The following ADAMTS18 variants were observed in gnomAD, a reference collection of about 807,000 sequenced individuals.
ADAMTS18 encodes the protein ADAM metallopeptidase with thrombospondin type 1 motif 18.
A neutral mutation model predicts 165.9 loss-of-function variants in ADAMTS18; 157 were observed. The ratio of observed to expected loss-of-function variants is 0.95; its 90% CI spans 0.83 to 1.08. The LOEUF (loss-of-function observed/expected upper bound fraction) is 1.08, where lower values mean the gene tolerates loss of function less well. Ranked by LOEUF, ADAMTS18 falls within the 50% of genes least tolerant of loss-of-function variation. The probability of loss-of-function intolerance (pLI) is 0.00; values close to 1 mark genes in which losing one functional copy is unlikely to be tolerated. For missense variants in ADAMTS18, 2,040 were observed against 1,534.0 expected (o/e 1.33, Z -5.51); for synonymous variants, 782 against 578.2 (o/e 1.35, Z -5.06).
intron 10 of ADAMTS18, among the ~76,000 whole-genome samples, chr16:77,352,755 TA>T (rs2056573741): frequency 6.6e-6 from 1 of 152,114 alleles, no homozygotes; most frequent in Non-Finnish European, 1.5e-5. Flanking sequence ...ATTTTTCAGT[TA>T]CTTAGAACTT....
chr16:77,347,615 T>C (rs1450104327), intron 10 of ADAMTS18, among the ~76,000 whole-genome samples: 1 of 152,182 alleles, frequency 6.6e-6, no homozygotes, highest in Non-Finnish European at 1.5e-5. Flanking sequence ...TTCTCTGATA[T>C]ATTATTTGAT....
Position 77,289,289 on chromosome 16 carries a change from G to GTTTGTAT in ADAMTS18, c.3518_3524dup (p.Asn1175LysfsTer9). ...CTCTCTTTTCAGGAGCTGGACAGAA[G>GTTTGTAT]TTTGTATTACAGGCTCGTAGCACCG... On this transcript the variant is annotated frameshift_variant, in exon 22 of 23. Coordinates refer to ENST00000282849, the MANE Select transcript of ADAMTS18 (RefSeq NM_199355.4). LOFTEE classifies it high-confidence loss of function. 1 of 1,614,142 alleles carries GTTTGTAT rather than the reference G, an allele frequency of 6.2e-7. No individual in the cohort carries two copies. Among genetic ancestry groups the GTTTGTAT allele is most frequent in the Non-Finnish European group, 8.5e-7 (1 of 1,180,012 alleles).
intron 3 of ADAMTS18, among the ~76,000 whole-genome samples, chr16:77,377,488 G>A (rs933048439): frequency 7.9e-5 from 12 of 152,286 alleles, no homozygotes; most frequent in Admixed American, 5.9e-4. Context: ...TAACAATAGA[G>A]CCAGAACTTC....
At chr16:77,413,045 G>T (rs1375475813) in intron 3 of ADAMTS18, among the ~76,000 whole-genome samples, 1 of 151,928 alleles carries the variant, frequency 6.6e-6, no homozygotes, top group Non-Finnish European at 1.5e-5. Context: ...ACATTTATAT[G>T]TATAAAAAAA....
At chr16:77,314,786 A>ATATATATATAT (rs1491101675) in intron 16 of ADAMTS18, among the ~76,000 whole-genome samples, 28 of 81,750 alleles carry the variant, frequency 3.4e-4, no homozygotes, top group South Asian at 7.1e-4. Flanking sequence ...ATATATATAT[A>ATATATATATAT]AAATATATGT....
rs2055375759 is a variant in ADAMTS18 at position 77,292,118 on chromosome 16, C to T, written c.3190-640G>A. On this transcript the variant is annotated intron_variant, in intron 20 of 22. Coordinates refer to ENST00000282849, the MANE Select transcript of ADAMTS18 (RefSeq NM_199355.4). ...CCCAGGAGTTCAAGACCAGCCTCAG[C>T]AACATGGTGAAGCCTCAGCAACATG... is the stretch of plus-strand genomic sequence containing the variant. Among the ~76,000 whole-genome samples, 3 of 149,730 alleles carry T rather than the reference C, an allele frequency of 2.0e-5. No individual in the cohort carries two copies. In the South Asian group the frequency reaches 6.2e-4, roughly 31 times the overall value.
At chr16:77,337,236 C>T (rs13334103) in intron 11 of ADAMTS18, among the ~76,000 whole-genome samples, 1 of 152,090 alleles carries the variant, frequency 6.6e-6, no homozygotes, top group Non-Finnish European at 1.5e-5. Flanking sequence ...TTTTGCCTAC[C>T]ATAAGCATGC....
intron 3 of ADAMTS18, 53 bp from the exon 4 acceptor site, chr16:77,367,776 A>G: frequency 6.2e-7 from 1 of 1,612,632 alleles, no homozygotes; most frequent in Non-Finnish European, 8.5e-7. Context: ...TCCCTGTGCC[A>G]AGGGTTGGTT....
At chr16:77,337,475 T>C (rs776734001) in intron 11 of ADAMTS18, among the ~76,000 whole-genome samples, 2 of 152,222 alleles carry the variant, frequency 1.3e-5, no homozygotes, top group Non-Finnish European at 2.9e-5. Flanking sequence ...AAAGAAATAC[T>C]AGCTAACTTG....
chr16:77,420,397 G>T (rs1227045662), intron 3 of ADAMTS18, among the ~76,000 whole-genome samples: 1 of 151,954 alleles, frequency 6.6e-6, no homozygotes, highest in Non-Finnish European at 1.5e-5. Flanking sequence ...ACTACCCTGG[G>T]GAGTCTTTAA....
chr16:77,331,343 C>G (rs965898427), intron 12 of ADAMTS18, among the ~76,000 whole-genome samples: 2 of 152,068 alleles, frequency 1.3e-5, no homozygotes, highest in Non-Finnish European at 2.9e-5. Flanking sequence ...GGATGAAAAC[C>G]AGATCCATGA....
intron 3 of ADAMTS18, 59 bp downstream of exon 3, chr16:77,431,236 T>G: frequency 6.3e-7 from 1 of 1,579,154 alleles, no homozygotes; most frequent in Non-Finnish European, 8.7e-7. Context: ...AGACATCTGT[T>G]CATTCAAGTT....
At chr16:77,377,397 T>C (rs1487639613) in intron 3 of ADAMTS18, among the ~76,000 whole-genome samples, 6 of 152,358 alleles carry the variant, frequency 3.9e-5, no homozygotes, top group South Asian at 4.1e-4. Flanking sequence ...GCAGGGACCA[T>C]GTCTTAAGTG....
chr16:77,400,456 C>CTGTGTGTG (rs796918149), intron 3 of ADAMTS18, among the ~76,000 whole-genome samples: 12 of 110,770 alleles, frequency 1.1e-4, no homozygotes, highest in African/African-American at 4.4e-4. Flanking sequence ...GTGTGTGTGT[C>CTGTGTGTG]TGTGTGTGTG....
chr16:77,325,732 T>C, intron 13 of ADAMTS18, 134 bp downstream of exon 13: 1 of 887,486 alleles, frequency 1.1e-6, no homozygotes, highest in Non-Finnish European at 1.7e-6. Flanking sequence ...AATGAAACAC[T>C]GAGCCAGGAT....
At chr16:77,284,723 C>T (rs2055215219) in intron 22 of ADAMTS18, among the ~76,000 whole-genome samples, 2 of 152,106 alleles carry the variant, frequency 1.3e-5, no homozygotes, top group African/African-American at 4.8e-5. Context: ...ATTCAGTGTC[C>T]AGGGAAATAC....
intron 2 of ADAMTS18, 100 bp from the exon 3 acceptor site, chr16:77,431,711 T>C (rs1280631081): frequency 3.2e-6 from 4 of 1,248,386 alleles, no homozygotes; most frequent in African/African-American, 1.5e-5. Context: ...CTCAAAGATA[T>C]CTTTGTTCCT....
At chr16:77,295,802 ATCTG>A (rs2055458433) in intron 18 of ADAMTS18, among the ~76,000 whole-genome samples, 2 of 151,952 alleles carry the variant, frequency 1.3e-5, no homozygotes, top group African/African-American at 4.8e-5. Context: ...TTTAATAGCT[ATCTG>A]TCTGAGACTT....
rs910746997 is a variant in ADAMTS18 at position 77,335,821 on chromosome 16, C to G, written c.1794G>C (p.Trp598Cys). 3.1e-6 allele frequency: 5 copies of G among 1,614,204 alleles called. No individual in the cohort carries two copies. Among genetic ancestry groups the G allele is most frequent in the Non-Finnish European group, 3.4e-6 (4 of 1,180,034 alleles). Residue 598 changes from tryptophan to cysteine, a missense_variant, in exon 12 of 23, where the codon TGG becomes TGC. Trp to Cys is a radical substitution (Grantham distance 215, BLOSUM62 -2). Coordinates refer to ENST00000282849, the MANE Select transcript of ADAMTS18 (RefSeq NM_199355.4). ...CACCACATGTCCGGGAACATTCTGA[C>G]CACTTCGACCAGGCGGACCACTGGC... Reference protein sequence around the residue: ...IHGQWSAWSKWSECSRTCGGG... With the variant: ...IHGQWSAWSKCSECSRTCGGG...
Sources: allele counts gnomAD v4.1 joint callset (sites outside exome capture counted in the v4.1 genomes callset), GRCh38; gene constraint gnomAD v4.1.1; transcripts MANE v1.5; gene names NCBI Gene and HGNC (gene_info 2026-07-23, HGNC 2026-07-21).